ZNF676: variants seen among roughly 807,000 people sequenced by gnomAD.
ZNF676 encodes zinc finger protein 676.
Under a neutral mutation model 6.0 loss-of-function variants are expected in ZNF676, and 4 were observed. That is an observed-to-expected ratio of 0.67 (90% confidence interval 0.33 to 1.53). ZNF676 has a LOEUF of 1.53. Ranked by LOEUF, ZNF676 falls within the 40% of genes most tolerant of loss-of-function variation. The pLI, the probability that ZNF676 is intolerant of heterozygous loss-of-function variation, is 0.06. For missense variants in ZNF676, 644 were observed against 679.7 expected (o/e 0.95, Z 0.58); for synonymous variants, 198 against 223.1 (o/e 0.89, Z 1.00).
At chr19:22,201,731 CAAAAAAAAAAAAAAAA>C (rs35526921), upstream of ZNF676, among the ~76,000 whole-genome samples, 1 of 76,218 alleles carries the variant, frequency 1.3e-5, no homozygotes, top group Non-Finnish European at 2.5e-5. Flanking sequence ...TTTGTAAAGG[CAAAAAAAAAAAAAAAA>C]AAAAAAAAAA....
chr19:22,206,557 C>T (rs1210307758), intron 1 of ZNF676, among the ~76,000 whole-genome samples: 1 of 152,080 alleles, frequency 6.6e-6, no homozygotes, highest in Non-Finnish European at 1.5e-5. Flanking sequence ...CACCTGTAAT[C>T]CCAGCTACTT....
At chr19:22,223,443 T>G in the ZNF676 span, among the ~76,000 whole-genome samples, 1 of 152,124 alleles carries the variant, frequency 6.6e-6, no homozygotes, top group African/African-American at 2.4e-5. Flanking sequence ...TGCCTGGATC[T>G]CTCATAAACA....
chr19:22,235,231 C>G, the ZNF676 span, among the ~76,000 whole-genome samples: 1 of 152,230 alleles, frequency 6.6e-6, no homozygotes, highest in African/African-American at 2.4e-5. Flanking sequence ...CAAATAGCAT[C>G]TTTATTTTTC....
the ZNF676 span, among the ~76,000 whole-genome samples, chr19:22,248,728 T>C: frequency 6.6e-6 from 1 of 152,078 alleles, no homozygotes; most frequent in African/African-American, 2.4e-5. Flanking sequence ...GGTTTTTTGT[T>C]TGTTTGTTTG....
At chr19:22,187,207 T>A (rs567902597) in intron 2 of ZNF676, among the ~76,000 whole-genome samples, 26 of 152,162 alleles carry the variant, frequency 1.7e-4, no homozygotes, top group Non-Finnish European at 3.7e-4. Context: ...GAACTCAGGA[T>A]TGAGAAACTC....
intron 1 of ZNF676, among the ~76,000 whole-genome samples, chr19:22,209,199 T>G (rs532141484): frequency 6.6e-6 from 1 of 151,654 alleles, no homozygotes; most frequent in South Asian, 2.1e-4. Flanking sequence ...GAGGTGGAGG[T>G]TGCAGTGAAC....
chr19:22,205,957 T>C (rs892221955), intron 1 of ZNF676, among the ~76,000 whole-genome samples: 9 of 150,960 alleles, frequency 6.0e-5, no homozygotes, highest in African/African-American at 1.9e-4. Flanking sequence ...AAAAGAGACA[T>C]TACCACTGAC....
chr19:22,182,620 G>A (rs116469776), intron 2 of ZNF676, among the ~76,000 whole-genome samples: 2,216 of 65,024 alleles, frequency 0.034, 52 homozygotes, highest in African/African-American at 0.089. Flanking sequence ...AAAAAAAGAA[G>A]CTATAAAGTG....
upstream of ZNF676, among the ~76,000 whole-genome samples, chr19:22,199,961 A>C (rs906512797): frequency 2.6e-5 from 4 of 152,140 alleles, no homozygotes; most frequent in Non-Finnish European, 4.4e-5. Context: ...TTCATGACCC[A>C]AAACTCTGAT....
the ZNF676 span, among the ~76,000 whole-genome samples, chr19:22,233,525 C>T: frequency 6.6e-6 from 1 of 151,498 alleles, no homozygotes; most frequent in African/African-American, 2.4e-5. Context: ...CAAACATGTT[C>T]TTAGGATGTG....
At chr19:22,215,611 T>G (rs1205296881) in intron 1 of ZNF676, 1 of 1,610,496 alleles carries the variant, frequency 6.2e-7, no homozygotes, top group Non-Finnish European at 8.5e-7. Flanking sequence ...TCTCTCAGTG[T>G]GTCGGACCCG....
At chr19:22,223,528 T>A in the ZNF676 span, among the ~76,000 whole-genome samples, 16 of 148,110 alleles carry the variant, frequency 1.1e-4, no homozygotes, top group Middle Eastern at 3.5e-3. Context: ...TTTTTTTTTT[T>A]AAATTTTACT....
rs369632856 is a variant in ZNF676, at chr19:22,202,305, C to T, written c.4-5579G>A. Among the ~76,000 whole-genome samples, 45 of 152,260 alleles carry T rather than the reference C, an allele frequency of 3.0e-4. No individual in the cohort carries two copies. The East Asian group carries it at 8.3e-3, about 28-fold the overall frequency. On this transcript the variant is annotated intron_variant, in intron 1 of 3. Coordinates refer to the ZNF676 transcript ENST00000650058. ...TTGAAAGAGGTAAAACGGTTAATAT[C>T]TGACCTATAAAGTTTGTAGAAATCT...
At chr19:22,239,631 T>C in the ZNF676 span, among the ~76,000 whole-genome samples, 10 of 152,326 alleles carry the variant, frequency 6.6e-5, no homozygotes, top group Non-Finnish European at 1.5e-4. Flanking sequence ...AACTTTGGAC[T>C]GCCAGAGGGC....
the ZNF676 span, among the ~76,000 whole-genome samples, chr19:22,229,044 A>G: frequency 1.3e-5 from 2 of 152,192 alleles, no homozygotes; most frequent in African/African-American, 4.8e-5. Context: ...CATTGCCAAG[A>G]CAATCCTAAA....
chr19:22,179,700 G>A lies in ZNF676; in HGVS notation c.*250C>T, dbSNP rs2023699954. On this transcript the variant is annotated 3_prime_UTR_variant, in exon 3 of 3. Coordinates refer to ENST00000397121, the MANE Select transcript of ZNF676 (RefSeq NM_001001411.3). ...AGTCTTTATCACATTCTTCGCATTT[G>A]TAGGGTTTCTCTCCAGTATGAATTC... 1.4e-6 allele frequency: 1 copy of A among 719,004 alleles called. No individual in the cohort carries two copies. The highest frequency in any genetic ancestry group is 1.5e-5 in the South Asian group (1 of 65,596). 44.5% of individuals were successfully genotyped at this position (719,004 alleles called of 1,614,324 possible). A position where few individuals can be genotyped will look rare whatever the true frequency, so the allele number is the denominator to read the frequency against.
upstream of ZNF676, among the ~76,000 whole-genome samples, chr19:22,198,619 A>T (rs2023995250): frequency 6.6e-6 from 1 of 152,168 alleles, no homozygotes; most frequent in South Asian, 2.1e-4. Flanking sequence ...TATGCCTTTA[A>T]AAGTGTCAGC....
At chr19:22,258,470 G>C in the ZNF676 span, among the ~76,000 whole-genome samples, 10 of 152,174 alleles carry the variant, frequency 6.6e-5, 1 homozygote, top group Middle Eastern at 3.4e-3. Flanking sequence ...AAAAAGAGAG[G>C]AATCACATTA....
intron 2 of ZNF676, among the ~76,000 whole-genome samples, chr19:22,188,390 C>A (rs1474571150): frequency 6.6e-6 from 1 of 152,092 alleles, no homozygotes; most frequent in East Asian, 1.9e-4. Flanking sequence ...TTATGACAAA[C>A]CCACAGACAA....
Sources: gnomAD v4.1 joint callset for allele counts (sites outside exome capture counted in the v4.1 genomes callset) on GRCh38, gnomAD v4.1.1 for gene constraint, MANE v1.5 for transcripts, NCBI Gene and HGNC (gene_info 2026-07-23, HGNC 2026-07-21) for gene names.